Variants in CLSTN2 observed in about 807,000 individuals in gnomAD.
CLSTN2 encodes the protein calsyntenin-2.
CLSTN2 carries 48 observed loss-of-function variants against 101.2 expected under a neutral mutation model. That is an observed-to-expected ratio of 0.47 (90% CI 0.38 to 0.60). The LOEUF is 0.60. Ranked by LOEUF, CLSTN2 falls within the 20% of genes least tolerant of loss-of-function variation. The probability of loss-of-function intolerance (pLI) is 0.00; values close to 1 mark genes in which losing one functional copy is unlikely to be tolerated. For synonymous variants in CLSTN2, 481 were observed against 463.6 expected, an observed-to-expected ratio of 1.04 and a Z score of -0.48; for missense variants, 1,160 against 1,238.2, an observed-to-expected ratio of 0.94 and a Z score of 0.95.
intron 2 of CLSTN2, among the ~76,000 whole-genome samples, chr3:140,391,831 A>G (rs1412437749): frequency 6.6e-6 from 1 of 152,040 alleles, no homozygotes; most frequent in Non-Finnish European, 1.5e-5. Context: ...TTAAAATGTA[A>G]TGTTTTTAAA....
chr3:140,525,017 T>G (rs1333261028), intron 8 of CLSTN2, among the ~76,000 whole-genome samples: 1 of 152,128 alleles, frequency 6.6e-6, no homozygotes, highest in East Asian at 1.9e-4. Flanking sequence ...TTTAACAATC[T>G]AACATCACAC....
intron 2 of CLSTN2, among the ~76,000 whole-genome samples, chr3:140,395,638 G>A (rs891471427): frequency 2.0e-5 from 3 of 152,176 alleles, no homozygotes; most frequent in African/African-American, 7.2e-5. Context: ...TGAAGTGGGA[G>A]GGTTTAAACT....
At chr3:140,562,512 C>T (rs1425010565) in intron 13 of CLSTN2, among the ~76,000 whole-genome samples, 1 of 152,206 alleles carries the variant, frequency 6.6e-6, no homozygotes, top group African/African-American at 2.4e-5. Flanking sequence ...CACATTCCCA[C>T]TCCTGGGGAG....
At chr3:140,102,682 G>C (rs1347431841) in intron 1 of CLSTN2, among the ~76,000 whole-genome samples, 1 of 152,194 alleles carries the variant, frequency 6.6e-6, no homozygotes, top group Non-Finnish European at 1.5e-5. Context: ...GGTATGAGAG[G>C]CTGGGGAACA....
chr3:140,129,318 G>A (rs114263168), intron 1 of CLSTN2, among the ~76,000 whole-genome samples: 1,552 of 152,248 alleles, frequency 0.01, 12 homozygotes, highest in Non-Finnish European at 0.015. Flanking sequence ...GGTACTCCTT[G>A]TCAGTAGCTT....
At chr3:140,056,899 C>A (rs1576412139) in intron 1 of CLSTN2, among the ~76,000 whole-genome samples, 2 of 152,100 alleles carry the variant, frequency 1.3e-5, no homozygotes, top group Admixed American at 1.3e-4. Flanking sequence ...GACATCAGTG[C>A]CCAAGATTAC....
At chr3:140,193,545 T>C (rs537541821) in intron 2 of CLSTN2, among the ~76,000 whole-genome samples, 1 of 152,160 alleles carries the variant, frequency 6.6e-6, no homozygotes, top group South Asian at 2.1e-4. Context: ...TGTTTTACTA[T>C]AGGTAAGGTA....
intron 4 of CLSTN2, among the ~76,000 whole-genome samples, chr3:140,413,243 G>C (rs964566168): frequency 6.6e-5 from 10 of 152,146 alleles, no homozygotes; most frequent in Admixed American, 3.9e-4. Context: ...ATTTTCAAAG[G>C]ATGGTAAGAG....
At chr3:139,996,145 C>CATA (rs2006650865) in intron 1 of CLSTN2, among the ~76,000 whole-genome samples, 1 of 152,144 alleles carries the variant, frequency 6.6e-6, no homozygotes, top group African/African-American at 2.4e-5. Context: ...TTTAATCATA[C>CATA]ATAATACCTT....
At chr3:140,481,384 G>T (rs1934112587) in intron 8 of CLSTN2, among the ~76,000 whole-genome samples, 1 of 152,188 alleles carries the variant, frequency 6.6e-6, no homozygotes, top group East Asian at 1.9e-4. Flanking sequence ...GTAGCATGAT[G>T]CCTCCAGCTT....
intron 2 of CLSTN2, among the ~76,000 whole-genome samples, chr3:140,315,242 T>G (rs1255054317): frequency 6.6e-6 from 1 of 152,148 alleles, no homozygotes; most frequent in Non-Finnish European, 1.5e-5. Context: ...AAAATGTGTG[T>G]AAAATGATGG....
chr3:140,531,663 A>T (rs1280580060), intron 8 of CLSTN2, among the ~76,000 whole-genome samples: 5 of 152,044 alleles, frequency 3.3e-5, no homozygotes, highest in Non-Finnish European at 7.4e-5. Flanking sequence ...TAGTCTTGCC[A>T]CCTTTCATGC....
intron 1 of CLSTN2, among the ~76,000 whole-genome samples, chr3:139,950,214 C>T (rs1226114935): frequency 6.6e-6 from 1 of 152,138 alleles, no homozygotes; most frequent in Non-Finnish European, 1.5e-5. Context: ...TGGTTTGGTT[C>T]TGAGTGATAA....
At chr3:140,390,484 C>T (rs556016877) in intron 2 of CLSTN2, among the ~76,000 whole-genome samples, 5 of 152,088 alleles carry the variant, frequency 3.3e-5, no homozygotes, top group Non-Finnish European at 5.9e-5. Flanking sequence ...TATTTTAAGC[C>T]TTTTAAATTG....
At chr3:140,269,943 T>C (rs58166080) in intron 2 of CLSTN2, among the ~76,000 whole-genome samples, 24,579 of 152,064 alleles carry the variant, frequency 0.16, 4,412 homozygotes, top group African/African-American at 0.45. Flanking sequence ...TTGATGAGGT[T>C]TTGTGAGGAT....
chr3:140,554,760 T>TAAAG (rs1334783591), intron 10 of CLSTN2, among the ~76,000 whole-genome samples: 1 of 152,318 alleles, frequency 6.6e-6, no homozygotes, highest in East Asian at 1.9e-4. Context: ...AAACTGGTTT[T>TAAAG]AAAGATTACA....
At chr3:139,980,377 C>A (rs538872050) in intron 1 of CLSTN2, among the ~76,000 whole-genome samples, 1 of 152,054 alleles carries the variant, frequency 6.6e-6, no homozygotes, top group Admixed American at 6.6e-5. Context: ...TGTCCATGTC[C>A]CTTGCTCTTT....
intron 1 of CLSTN2, among the ~76,000 whole-genome samples, chr3:140,110,944 T>G (rs559709909): frequency 6.6e-6 from 1 of 152,326 alleles, no homozygotes; most frequent in African/African-American, 2.4e-5. Flanking sequence ...GTTTCCAGGT[T>G]GTGGAAACAC....
chr3:140,381,771 C>A (rs2087988320), intron 2 of CLSTN2, among the ~76,000 whole-genome samples: 1 of 152,210 alleles, frequency 6.6e-6, no homozygotes, highest in Non-Finnish European at 1.5e-5. Context: ...CAGAAACAGG[C>A]TGGTGATAAA....
Sources: gnomAD v4.1 joint callset for allele counts (sites outside exome capture counted in the v4.1 genomes callset) on GRCh38, gnomAD v4.1.1 for gene constraint, MANE v1.5 for transcripts, NCBI Gene and HGNC (gene_info 2026-07-23, HGNC 2026-07-21) for gene names.